The following SBF2 variants were observed in gnomAD, a reference collection of about 807,000 sequenced individuals.
The protein encoded by SBF2 is SET binding factor 2.
SBF2 carries 112 observed loss-of-function variants against 225.2 expected under a neutral mutation model. That is an observed-to-expected ratio of 0.50 (90% CI 0.43 to 0.58). SBF2 has a LOEUF of 0.58. SBF2 is among the 20% of genes least tolerant of loss of function. The probability of loss-of-function intolerance (pLI) is 0.00; values close to 1 mark genes in which losing one functional copy is unlikely to be tolerated. For synonymous variants in SBF2, 763 were observed against 773.3 expected, an observed-to-expected ratio of 0.99 and a Z score of 0.22; for missense variants, 1,996 against 2,206.2, an observed-to-expected ratio of 0.90 and a Z score of 1.91.
rs116407581 is a variant in SBF2 at position 9,865,416 on chromosome 11, G to A, written c.1930-7020C>T. Among the ~76,000 whole-genome samples, 590 of 152,036 alleles carry A rather than the reference G, an allele frequency of 3.9e-3. 2 individuals are homozygous for A. The highest frequency in any genetic ancestry group is 0.014 in the African/African-American group (564 of 41,446). On this transcript the variant is annotated intron_variant, in intron 17 of 39. Transcript: ENST00000256190. Reference sequence around the variant, plus strand: ...TTTAAAAATGAGGAAAAAGCCGGGCGCAGTGGCTCATGCCTGTAATTCTAG... The same window carrying A: ...TTTAAAAATGAGGAAAAAGCCGGGCACAGTGGCTCATGCCTGTAATTCTAG...
chr11:10,241,291 T>G (rs1959211025), intron 1 of SBF2, among the ~76,000 whole-genome samples: 1 of 152,082 alleles, frequency 6.6e-6, no homozygotes, highest in South Asian at 2.1e-4. Flanking sequence ...AGGCAAGAGG[T>G]TGCAGTGAGC....
At chr11:10,169,423 G>A (rs1591117700) in intron 2 of SBF2, among the ~76,000 whole-genome samples, 1 of 152,102 alleles carries the variant, frequency 6.6e-6, no homozygotes, top group East Asian at 1.9e-4. Flanking sequence ...CCACAAATAA[G>A]TGAGAATGTG....
intron 1 of SBF2, among the ~76,000 whole-genome samples, chr11:10,248,733 T>G (rs1960040460): frequency 6.6e-6 from 1 of 152,228 alleles, no homozygotes; most frequent in Non-Finnish European, 1.5e-5. Flanking sequence ...AAAGGATTGT[T>G]TTAAGTGAAA....
chr11:9,950,357 C>G (rs1865788203), intron 16 of SBF2, among the ~76,000 whole-genome samples: 1 of 152,170 alleles, frequency 6.6e-6, no homozygotes, highest in Non-Finnish European at 1.5e-5. Context: ...AATGTTAGCT[C>G]TGATCTCCCC....
intron 2 of SBF2, among the ~76,000 whole-genome samples, chr11:10,076,350 C>A (rs1951107434): frequency 6.6e-6 from 1 of 152,210 alleles, no homozygotes; most frequent in Admixed American, 6.5e-5. Context: ...GCACGAAAAC[C>A]AGCCAGCCAG....
At chr11:10,016,322 T>C (rs1309027269) in intron 6 of SBF2, 1 of 152,158 alleles carries the variant, frequency 6.6e-6, no homozygotes, top group East Asian at 1.9e-4. Flanking sequence ...TCTCATAATG[T>C]AGAAATGAGA....
At chr11:10,174,557 G>A (rs1956368923) in intron 2 of SBF2, among the ~76,000 whole-genome samples, 3 of 152,154 alleles carry the variant, frequency 2.0e-5, no homozygotes. Flanking sequence ...AAAGTGATGG[G>A]GAGAATGGAA....
chr11:9,895,858 G>A, intron 17 of SBF2, 85 bp downstream of exon 17: 1 of 1,009,048 alleles, frequency 9.9e-7, no homozygotes, highest in African/African-American at 1.6e-5. Context: ...AAGAGGACAG[G>A]ATTTTCATGT....
intron 16 of SBF2, chr11:9,961,040 A>G (rs1258866019): frequency 6.6e-6 from 1 of 152,182 alleles, no homozygotes; most frequent in African/African-American, 2.4e-5. Context: ...CTTTAGGAGT[A>G]TATTGGTAAT....
intron 1 of SBF2, among the ~76,000 whole-genome samples, chr11:10,247,526 CAAAA>C (rs36111945): frequency 8.9e-6 from 1 of 112,186 alleles, no homozygotes; most frequent in Admixed American, 8.7e-5. Context: ...ACTAAAAATA[CAAAA>C]AAAAAAAAAA....
At chr11:9,887,019 C>T (rs1860379654) in intron 17 of SBF2, among the ~76,000 whole-genome samples, 1 of 152,034 alleles carries the variant, frequency 6.6e-6, no homozygotes, top group South Asian at 2.1e-4. Flanking sequence ...TCAATGTCTA[C>T]TGAACTGAAC....
In SBF2 at chr11:10,010,025, T is replaced by C. The variant is rs1397966990; in HGVS notation, c.620-7336A>G. Among the ~76,000 whole-genome samples the C allele has an allele frequency of 3.9e-5, 6 of 152,232 alleles. No individual in the cohort carries two copies. In the East Asian group the frequency reaches 1.2e-3, roughly 29 times the overall value. On this transcript the variant is annotated intron_variant, in intron 6 of 39. Coordinates refer to ENST00000256190, the MANE Select transcript of SBF2 (RefSeq NM_030962.4). ...CAGTGATGATGAGCTTTTTTTCATG[T>C]TTCTTGGACACATAAATGCCTTCCT...
At chr11:9,937,820 A>C (rs1423298443) in intron 16 of SBF2, among the ~76,000 whole-genome samples, 1 of 152,144 alleles carries the variant, frequency 6.6e-6, no homozygotes, top group East Asian at 1.9e-4. Flanking sequence ...TATAGCAAAA[A>C]AGCAACTGAA....
rs771104991 is a variant in SBF2 at position 9,968,530 on chromosome 11, G to A, written c.1411C>T (p.His471Tyr). 1 of 1,613,780 alleles carries A rather than the reference G, an allele frequency of 6.2e-7. No individual in the cohort carries two copies. The highest frequency in any genetic ancestry group is 2.2e-5 in the East Asian group (1 of 44,888). The stretch of plus-strand genomic sequence containing the variant: ...CGTGGAACTTTCTGGAATGCCATAT[G>A]AGGATTTGGATTCTCCTGTAATATC... ...QLFKNENPNP[H>Y]MAFQKVPRPT... Residue 471 changes from histidine (H) to tyrosine (Y), a missense_variant, in exon 14 of 40, where the codon CAT becomes TAT. Coordinates refer to ENST00000256190, the MANE Select transcript of SBF2 (RefSeq NM_030962.4).
chr11:10,166,515 GT>G (rs1254909273), intron 2 of SBF2, among the ~76,000 whole-genome samples: 97 of 151,950 alleles, frequency 6.4e-4, no homozygotes, highest in Non-Finnish European at 1.3e-3. Flanking sequence ...AATTAATCTT[GT>G]TTATATACTT....
At chr11:9,784,852 C>T in intron 37 of SBF2, 1 of 534,558 alleles carries the variant, frequency 1.9e-6, no homozygotes, top group Non-Finnish European at 3.4e-6. Context: ...TGCTGGCTGA[C>T]ACATGTTCCC....
intron 1 of SBF2, among the ~76,000 whole-genome samples, chr11:10,276,500 T>A (rs1962968444): frequency 6.6e-6 from 1 of 152,242 alleles, no homozygotes; most frequent in Non-Finnish European, 1.5e-5. Context: ...GAGAATCTAC[T>A]CACTGTTTAT....
intron 2 of SBF2, among the ~76,000 whole-genome samples, chr11:10,087,784 T>C (rs1035872905): frequency 4.6e-4 from 70 of 152,180 alleles, no homozygotes; most frequent in Non-Finnish European, 1.6e-4. Context: ...TGAAGAACAA[T>C]AGTGACTGGA....
chr11:10,055,563 ACACACAC>A (rs1449949298), intron 2 of SBF2, among the ~76,000 whole-genome samples: 1 of 147,228 alleles, frequency 6.8e-6, no homozygotes, highest in Non-Finnish European at 1.5e-5. Flanking sequence ...ACACACACAC[ACACACAC>A]ACCATGGAAT....
Sources: allele counts gnomAD v4.1 joint callset (sites outside exome capture counted in the v4.1 genomes callset), GRCh38; gene constraint gnomAD v4.1.1; transcripts MANE v1.5; gene names NCBI Gene and HGNC (gene_info 2026-07-23, HGNC 2026-07-21).